The following PLEKHD1 variants were observed in gnomAD, a reference collection of about 807,000 sequenced individuals.
PLEKHD1 encodes pleckstrin homology domain-containing family D member 1.
PLEKHD1 carries 51 observed loss-of-function variants against 69.2 expected under a neutral mutation model. The ratio of observed to expected loss-of-function variants is 0.74; its 90% CI spans 0.59 to 0.93. PLEKHD1 has a LOEUF of 0.93. Among genes scored for constraint, PLEKHD1 ranks in the 40% least tolerant of loss-of-function variants. The pLI is 0.00. For synonymous variants in PLEKHD1, 236 were observed against 244.7 expected (o/e 0.96, Z 0.33); for missense variants, 584 against 641.0 (o/e 0.91, Z 0.96).
upstream of PLEKHD1, among the ~76,000 whole-genome samples, chr14:69,482,105 C>T (rs533942267): frequency 7.2e-5 from 11 of 152,334 alleles, no homozygotes; most frequent in African/African-American, 2.4e-4. Context: ...TCCTTTCACC[C>T]AGCCTTAACT....
At chr14:69,474,983 C>T in the PLEKHD1 span, among the ~76,000 whole-genome samples, 6 of 152,294 alleles carry the variant, frequency 3.9e-5, no homozygotes, top group East Asian at 1.9e-4. Flanking sequence ...AGCCTCCCAA[C>T]GCTCTGGGAT....
rs1372689128 is a variant in PLEKHD1, at chr14:69,529,978, GA to G, written c.*1563del. On this transcript the variant is annotated 3_prime_UTR_variant, in exon 13 of 13. Transcript: ENST00000322564. ...AGCTACCTGAGGCTATTGGCCTCCA[GA>G]AAAGGGGTCCACCTGGGATCAGGGT... 1 of 152,328 alleles carries G rather than the reference GA, an allele frequency of 6.6e-6. No homozygotes were observed. The highest frequency in any genetic ancestry group is 1.5e-5 in the Non-Finnish European group (1 of 68,090). 9.4% of individuals were successfully genotyped at this position (152,328 alleles called of 1,614,324 possible). A position where few individuals can be genotyped will look rare whatever the true frequency, so the allele number is the denominator to read the frequency against.
intron 1 of PLEKHD1, among the ~76,000 whole-genome samples, chr14:69,496,724 T>TA (rs10666380): frequency 5.4e-5 from 8 of 148,424 alleles, no homozygotes; most frequent in African/African-American, 1.5e-4. Flanking sequence ...TTTTTTTTTT[T>TA]AATGTAGAGA....
chr14:69,485,694 A>T (rs575338390), intron 1 of PLEKHD1, among the ~76,000 whole-genome samples: 49 of 152,304 alleles, frequency 3.2e-4, no homozygotes, highest in African/African-American at 1.2e-3. Context: ...CCTTGAAATA[A>T]TTTTTTTAAA....
chr14:69,498,627 T>TCTTCTCTTCTCTTCTCTTCC (rs1882948420), intron 1 of PLEKHD1, among the ~76,000 whole-genome samples: 4 of 149,430 alleles, frequency 2.7e-5, no homozygotes, highest in African/African-American at 5.0e-5. Context: ...TCTTCTCTTC[T>TCTTCTCTTCTCTTCTCTTCC]CTTCTCTTCT....
At chr14:69,502,290 CCCTTGCCCCAGGCCATTTTAAA>C in intron 5 of PLEKHD1, 1 of 189,120 alleles carries the variant, frequency 5.3e-6, no homozygotes. Flanking sequence ...GTCCCCAGTA[CCCTTGCCCCAGGCCATTTTAAA>C]CCTTGCCACA....
At chr14:69,510,626 G>T (rs1159061072) in intron 6 of PLEKHD1, among the ~76,000 whole-genome samples, 1 of 151,936 alleles carries the variant, frequency 6.6e-6, no homozygotes, top group Admixed American at 6.6e-5. Flanking sequence ...TGCTACAATT[G>T]CTTATTAATT....
chr14:69,479,867 C>T (rs577202548), upstream of PLEKHD1, among the ~76,000 whole-genome samples: 50 of 152,234 alleles, frequency 3.3e-4, 1 homozygote, highest in South Asian at 5.0e-3. Flanking sequence ...CCGCCACACA[C>T]ACAGACTATT....
intron 10 of PLEKHD1, 135 bp downstream of exon 10, chr14:69,526,964 C>T (rs1290013287): frequency 1.5e-6 from 2 of 1,327,970 alleles, no homozygotes; most frequent in African/African-American, 3.0e-5. Context: ...GGGATGGAGC[C>T]ACCACGAGGG....
At chr14:69,512,362 G>T (rs1883289256) in intron 6 of PLEKHD1, among the ~76,000 whole-genome samples, 1 of 151,596 alleles carries the variant, frequency 6.6e-6, no homozygotes. Context: ...TTGATTTTCT[G>T]TGTTGATTTC....
chr14:69,474,154 C>T, the PLEKHD1 span, among the ~76,000 whole-genome samples: 1 of 152,142 alleles, frequency 6.6e-6, no homozygotes, highest in Non-Finnish European at 1.5e-5. Flanking sequence ...ACCTAGCTAG[C>T]CCTGAGAAGT....
chr14:69,526,973 G>A, intron 10 of PLEKHD1, 144 bp downstream of exon 10: 1 of 1,300,086 alleles, frequency 7.7e-7, no homozygotes, highest in East Asian at 2.6e-5. Flanking sequence ...CCACCACGAG[G>A]GGAAGCAGCA....
At chr14:69,527,484 C>T (rs988571773) in intron 11 of PLEKHD1, among the ~76,000 whole-genome samples, 152 bp downstream of exon 11, 3 of 152,258 alleles carry the variant, frequency 2.0e-5, no homozygotes, top group East Asian at 3.8e-4. Flanking sequence ...TACCTGCCTG[C>T]AGGCATCTCA....
chr14:69,476,322 C>A, the PLEKHD1 span, among the ~76,000 whole-genome samples: 11 of 148,372 alleles, frequency 7.4e-5, no homozygotes, highest in African/African-American at 2.7e-4. Context: ...GTAATCCCAG[C>A]AACAGGAGGA....
chr14:69,520,739 G>T lies in PLEKHD1; in HGVS notation c.556-1544G>T, dbSNP rs576837947. ...AAGACTCAGTCTCAAAAGAAAAAAA[G>T]AATACAATTTTAATTATATTTATAT... On this transcript the variant is annotated intron_variant, in intron 6 of 12. Transcript: ENST00000322564. Among the ~76,000 whole-genome samples the T allele has an allele frequency of 2.6e-5, 4 of 152,176 alleles. No individual in the cohort carries two copies. The South Asian group carries it at 8.3e-4, about 32-fold the overall frequency.
upstream of PLEKHD1, among the ~76,000 whole-genome samples, chr14:69,483,029 C>T (rs544042419): frequency 2.6e-5 from 4 of 152,242 alleles, no homozygotes; most frequent in African/African-American, 9.6e-5. Flanking sequence ...CAGAAAATGT[C>T]CACTTTGTAC....
intron 1 of PLEKHD1, among the ~76,000 whole-genome samples, chr14:69,485,742 G>A (rs986261359): frequency 2.6e-5 from 4 of 152,162 alleles, no homozygotes; most frequent in African/African-American, 7.2e-5. Context: ...TGCTTCAGAC[G>A]GAGGAGCTGG....
At chr14:69,504,863 G>A (rs1466590494) in intron 6 of PLEKHD1, among the ~76,000 whole-genome samples, 1 of 152,142 alleles carries the variant, frequency 6.6e-6, no homozygotes, top group African/African-American at 2.4e-5. Flanking sequence ...GGCATTTTCT[G>A]CACACAATTC....
intron 1 of PLEKHD1, among the ~76,000 whole-genome samples, chr14:69,487,923 G>A (rs1882689816): frequency 6.6e-6 from 1 of 152,110 alleles, no homozygotes; most frequent in Non-Finnish European, 1.5e-5. Context: ...GCTTTTTCCA[G>A]CATTCTATTC....
Sources: gnomAD v4.1 joint callset for allele counts (sites outside exome capture counted in the v4.1 genomes callset) on GRCh38, gnomAD v4.1.1 for gene constraint, MANE v1.5 for transcripts, NCBI Gene and HGNC (gene_info 2026-07-23, HGNC 2026-07-21) for gene names.